PBX1: variants seen among roughly 807,000 people sequenced by gnomAD.
The protein encoded by PBX1 is PBX homeobox 1, also known as pre-B-cell leukemia transcription factor 1.
PBX1 carries 6 observed loss-of-function variants against 53.4 expected under a neutral mutation model. That is an observed-to-expected ratio of 0.11 (90% CI 0.06 to 0.22). The LOEUF (loss-of-function observed/expected upper bound fraction) is 0.22. PBX1 is among the 10% of genes least tolerant of loss of function. The pLI is 1.00. For missense variants in PBX1, 251 were observed against 551.4 expected (o/e 0.46, Z 5.46); for synonymous variants, 204 against 212.3 (o/e 0.96, Z 0.34).
chr1:164,689,960 T>C (rs1226298160), intron 2 of PBX1, among the ~76,000 whole-genome samples: 1 of 152,210 alleles, frequency 6.6e-6, no homozygotes, highest in Non-Finnish European at 1.5e-5. Context: ...TACATTTCTT[T>C]ATGGCTTATG....
intron 2 of PBX1, among the ~76,000 whole-genome samples, chr1:164,602,985 G>A (rs1656283168): frequency 6.6e-6 from 1 of 152,014 alleles, no homozygotes; most frequent in Non-Finnish European, 1.5e-5. Context: ...CCTGAGTGTC[G>A]GGTTTCAGCT....
chr1:164,848,292 A>T lies in PBX1; in HGVS notation c.*1616A>T. On this transcript the variant is annotated 3_prime_UTR_variant, in exon 9 of 9. Coordinates refer to ENST00000420696, the MANE Select transcript of PBX1 (RefSeq NM_002585.4). ...ATAGCCAACCCTACCAGTTATAAAG[A>T]TGGCAGCTCTATCACTTGATTAAGT... 1 of 1,056,706 alleles carries T rather than the reference A, an allele frequency of 9.5e-7. No homozygotes were observed. The allele number at this position is 1,056,706 out of a possible 1,614,324, so 65.5% of individuals were successfully genotyped here.
intron 2 of PBX1, among the ~76,000 whole-genome samples, chr1:164,636,537 T>C (rs1189035975): frequency 6.6e-6 from 1 of 152,190 alleles, no homozygotes; most frequent in Non-Finnish European, 1.5e-5. Flanking sequence ...GCTGACGTAG[T>C]ATTTCCTCTT....
At chr1:164,778,960 A>G (rs571515347) in intron 2 of PBX1, among the ~76,000 whole-genome samples, 50 of 152,186 alleles carry the variant, frequency 3.3e-4, no homozygotes, top group Middle Eastern at 3.4e-3. Context: ...TTTGACTCCC[A>G]GTACCTCAGT....
intron 2 of PBX1, among the ~76,000 whole-genome samples, chr1:164,772,289 C>T (rs147618859): frequency 6.5e-4 from 99 of 152,306 alleles, no homozygotes; most frequent in African/African-American, 1.9e-3. Context: ...TTTAAAAGAA[C>T]ATGTGGTTTA....
chr1:164,757,186 G>A (rs1422365280), intron 2 of PBX1, among the ~76,000 whole-genome samples: 1 of 152,076 alleles, frequency 6.6e-6, no homozygotes, highest in Admixed American at 6.5e-5. Flanking sequence ...TTATAAGGGA[G>A]ACATATAAAA....
intron 2 of PBX1, chr1:164,769,822 TTC>T (rs1189457733): frequency 3.3e-5 from 5 of 152,226 alleles, no homozygotes; most frequent in Admixed American, 1.3e-4. Flanking sequence ...TTCCCACACT[TTC>T]TCTCTGCTTG....
chr1:164,739,851 T>C (rs1665511680), intron 2 of PBX1, among the ~76,000 whole-genome samples: 1 of 151,970 alleles, frequency 6.6e-6, no homozygotes, highest in African/African-American at 2.4e-5. Context: ...TCAGACAAAG[T>C]AAGGCTACGT....
intron 2 of PBX1, among the ~76,000 whole-genome samples, chr1:164,617,054 C>A (rs1004737413): frequency 3.3e-5 from 5 of 152,134 alleles, no homozygotes; most frequent in African/African-American, 9.7e-5. Flanking sequence ...AGTATAACTT[C>A]ATCTTAAATA....
chr1:164,864,863 C>T (rs1329616167), intron 2 of PBX1, among the ~76,000 whole-genome samples: 1 of 152,234 alleles, frequency 6.6e-6, no homozygotes, highest in Non-Finnish European at 1.5e-5. Context: ...TGTCACACAA[C>T]CTGCCTTTAT....
chr1:164,656,538 C>T (rs1412796729), intron 2 of PBX1, among the ~76,000 whole-genome samples: 1 of 152,126 alleles, frequency 6.6e-6, no homozygotes, highest in Non-Finnish European at 1.5e-5. Context: ...CTAAACATAT[C>T]TATTCCTTTC....
At chr1:164,785,202 A>C (rs962318542) in intron 2 of PBX1, among the ~76,000 whole-genome samples, 3 of 152,238 alleles carry the variant, frequency 2.0e-5, no homozygotes, top group African/African-American at 7.2e-5. Context: ...GACACCTATC[A>C]GTAATGCTGA....
Position 164,792,588 on chromosome 1 carries a change from T to C in PBX1, c.360T>C (p.Pro120=), listed in dbSNP as rs1668569858. The C allele has an allele frequency of 3.7e-6, 6 of 1,613,824 alleles. No homozygotes were observed. The highest frequency in any genetic ancestry group is 5.1e-6 in the Non-Finnish European group (6 of 1,179,956). Residue 120 remains proline, a synonymous_variant, in exon 3 of 9, where the codon CCT becomes CCC. Coordinates refer to ENST00000420696, the MANE Select transcript of PBX1 (RefSeq NM_002585.4). Reference sequence around the variant, plus strand: ...TGTTAGCGGAAGGCGTGGCGGGGCCTGAGAAGGGCGGAGGGTCGGCGGCAG... The same window carrying C: ...TGTTAGCGGAAGGCGTGGCGGGGCCCGAGAAGGGCGGAGGGTCGGCGGCAG... ...NMLLAEGVAG[P]EKGGGSAAAA...
At chr1:164,837,929 T>G (rs1671117360) in intron 8 of PBX1, among the ~76,000 whole-genome samples, 1 of 152,210 alleles carries the variant, frequency 6.6e-6, no homozygotes, top group Non-Finnish European at 1.5e-5. Flanking sequence ...ACCCCGTGTC[T>G]CAGATCCCTT....
intron 1 of PBX1, among the ~76,000 whole-genome samples, chr1:164,561,205 G>T (rs1381935564): frequency 6.6e-6 from 1 of 152,180 alleles, no homozygotes; most frequent in East Asian, 1.9e-4. Flanking sequence ...CTATACTTCA[G>T]ATGACTTGGT....
At chr1:164,641,220 C>T (rs1432394877) in intron 2 of PBX1, 2 of 153,130 alleles carry the variant, frequency 1.3e-5, no homozygotes, top group African/African-American at 2.4e-5. Flanking sequence ...TAGTGTTGTC[C>T]TTGGCCATTG....
intron 2 of PBX1, among the ~76,000 whole-genome samples, chr1:164,711,281 T>C (rs1347335875): frequency 6.6e-6 from 1 of 152,148 alleles, no homozygotes; most frequent in Non-Finnish European, 1.5e-5. Context: ...TTTCTTTTTT[T>C]GAAACAGAGT....
intron 2 of PBX1, among the ~76,000 whole-genome samples, chr1:164,711,657 G>A (rs1001496139): frequency 2.0e-5 from 3 of 152,242 alleles, no homozygotes; most frequent in African/African-American, 7.2e-5. Context: ...TCATGAAAGA[G>A]CATTGGGAGA....
chr1:164,672,947 T>G (rs571323406), intron 2 of PBX1, among the ~76,000 whole-genome samples: 3 of 152,336 alleles, frequency 2.0e-5, no homozygotes, highest in East Asian at 3.9e-4. Context: ...CTTTTTTCTT[T>G]TATTCTCTGT....
Sources: allele counts gnomAD v4.1 joint callset (sites outside exome capture counted in the v4.1 genomes callset), GRCh38; gene constraint gnomAD v4.1.1; transcripts MANE v1.5; gene names NCBI Gene and HGNC (gene_info 2026-07-23, HGNC 2026-07-21).